Variants in C1orf105 observed in about 807,000 individuals in gnomAD.
C1orf105 encodes the protein chromosome 1 open reading frame 105.
C1orf105 carries 17 observed loss-of-function variants against 20.8 expected under a neutral mutation model. That is an observed-to-expected ratio of 0.82 (90% confidence interval 0.56 to 1.23). The LOEUF (loss-of-function observed/expected upper bound fraction) is 1.23, where lower values mean the gene tolerates loss of function less well. Among genes scored for constraint, C1orf105 ranks in the 50% most tolerant of loss-of-function variants. The pLI, the probability that C1orf105 is intolerant of heterozygous loss-of-function variation, is 0.00. For missense variants in C1orf105, 219 were observed against 213.5 expected (o/e 1.03, Z -0.16); for synonymous variants, 72 against 72.1 (o/e 1.00, Z 0.01).
At chr1:172,441,622 TACC>T in intron 1 of C1orf105, 1 of 1,051,374 alleles carries the variant, frequency 9.5e-7, no homozygotes, top group South Asian at 2.0e-5. Context: ...TCTATTCTCT[TACC>T]ACAATGACAT....
At chr1:172,443,575 G>A (rs1647582321) in intron 1 of C1orf105, 1 of 166,832 alleles carries the variant, frequency 6.0e-6, no homozygotes, top group East Asian at 1.9e-4. Context: ...TTCACAATGA[G>A]AAAACTAAGA....
chr1:172,467,143 A>G (rs185101743), intron 6 of C1orf105, among the ~76,000 whole-genome samples: 1 of 152,254 alleles, frequency 6.6e-6, no homozygotes, highest in East Asian at 1.9e-4. Context: ...ACACTGCCCC[A>G]TCCCCACTGG....
intron 1 of C1orf105, chr1:172,442,087 A>G: frequency 6.2e-7 from 1 of 1,614,232 alleles, no homozygotes; most frequent in Non-Finnish European, 8.5e-7. Flanking sequence ...GGCCATGTTC[A>G]AGGATAGTGT....
chr1:172,454,203 C>T (rs1371286126), intron 3 of C1orf105, among the ~76,000 whole-genome samples: 2 of 152,106 alleles, frequency 1.3e-5, no homozygotes, highest in Non-Finnish European at 2.9e-5. Flanking sequence ...ATATCTGCCT[C>T]CCCTTGTCCA....
At chr1:172,437,817 C>G (rs762652480) in intron 1 of C1orf105, among the ~76,000 whole-genome samples, 2 of 151,682 alleles carry the variant, frequency 1.3e-5, no homozygotes, top group Non-Finnish European at 2.9e-5. Context: ...CTACACTCAA[C>G]AATAGATATT....
At chr1:172,426,473 C>G (rs1478929397) in intron 1 of C1orf105, among the ~76,000 whole-genome samples, 1 of 152,098 alleles carries the variant, frequency 6.6e-6, no homozygotes, top group African/African-American at 2.4e-5. Flanking sequence ...TCCAGTGATA[C>G]TCCTGTTTTA....
At position 172,447,123 on chromosome 1, in the gene C1orf105, C is replaced by T. The variant is rs1340567863; in HGVS notation, c.108-1318C>T. 2.6e-5 allele frequency among the ~76,000 whole-genome samples: 4 copies of T among 152,246 alleles called. No homozygotes were observed. The East Asian group carries it at 7.7e-4, about 29-fold the overall frequency. ...AAGCTCCTCATGTGGGCCAAAGCTC[C>T]GGGTTCCAAGCTGTTTATTTTTGGC... is the stretch of plus-strand genomic sequence containing the variant. On this transcript the variant is annotated intron_variant, in intron 2 of 6. Transcript: ENST00000367727.
chr1:172,437,177 C>T (rs1175485261), intron 1 of C1orf105, among the ~76,000 whole-genome samples: 11 of 152,106 alleles, frequency 7.2e-5, no homozygotes, highest in African/African-American at 1.2e-4. Context: ...GACAGTGTGG[C>T]GATTCCTCAA....
intron 1 of C1orf105, among the ~76,000 whole-genome samples, chr1:172,422,988 TAA>T (rs2071629625): frequency 6.6e-6 from 1 of 152,206 alleles, no homozygotes; most frequent in East Asian, 1.9e-4. Context: ...GGTAGATTTC[TAA>T]AGTTTCCAAC....
intron 1 of C1orf105, among the ~76,000 whole-genome samples, chr1:172,440,517 G>A (rs1028008660): frequency 1.3e-5 from 2 of 152,110 alleles, no homozygotes; most frequent in Non-Finnish European, 2.9e-5. Flanking sequence ...AACAGTTGTG[G>A]CCCAAGATTT....
intron 1 of C1orf105, chr1:172,441,352 TACACACACACAC>T (rs55669322): frequency 0.11 from 16,837 of 156,788 alleles, 1,008 homozygotes; most frequent in Middle Eastern, 0.19. Context: ...GAAGTGACTT[TACACACACACAC>T]ACACACACAC....
At chr1:172,421,741 G>A (rs2071595518) in intron 1 of C1orf105, among the ~76,000 whole-genome samples, 1 of 152,158 alleles carries the variant, frequency 6.6e-6, no homozygotes, top group African/African-American at 2.4e-5. Flanking sequence ...ATTGTTGAAA[G>A]AAGCACTGAG....
intron 1 of C1orf105, among the ~76,000 whole-genome samples, chr1:172,444,565 G>C (rs1440065761): frequency 1.3e-5 from 2 of 152,124 alleles, no homozygotes; most frequent in Non-Finnish European, 2.9e-5. Context: ...CCCCCTCAAA[G>C]AGGACAAATC....
chr1:172,463,907 G>A (rs921179460), intron 5 of C1orf105, among the ~76,000 whole-genome samples: 4 of 152,174 alleles, frequency 2.6e-5, no homozygotes, highest in African/African-American at 9.7e-5. Context: ...CCACTTCTGT[G>A]TGAGACTTAG....
intron 3 of C1orf105, among the ~76,000 whole-genome samples, chr1:172,448,780 G>GT (rs1245544679): frequency 1.3e-5 from 2 of 152,160 alleles, no homozygotes; most frequent in African/African-American, 4.8e-5. Context: ...CTAAAAATTA[G>GT]TATGGAGGAA....
At chr1:172,453,172 G>A in intron 3 of C1orf105, 1 of 1,551,044 alleles carries the variant, frequency 6.4e-7, no homozygotes. Context: ...CCAGGCTTCA[G>A]CTGATAGCAA....
chr1:172,458,844 A>G (rs1649495957), intron 4 of C1orf105, among the ~76,000 whole-genome samples: 1 of 152,232 alleles, frequency 6.6e-6, no homozygotes, highest in Non-Finnish European at 1.5e-5. Flanking sequence ...ATAAAGATAG[A>G]CAAATAGATA....
chr1:172,454,834 G>A (rs562984459), intron 3 of C1orf105, among the ~76,000 whole-genome samples: 1 of 152,216 alleles, frequency 6.6e-6, no homozygotes, highest in East Asian at 1.9e-4. Flanking sequence ...CATACTTCTT[G>A]ATGTATAGGC....
chr1:172,421,334 C>A (rs533013408), intron 1 of C1orf105, among the ~76,000 whole-genome samples: 29 of 152,104 alleles, frequency 1.9e-4, no homozygotes, highest in African/African-American at 6.0e-4. Flanking sequence ...GAAAAAAAAA[C>A]TTGTATAGAC....
Sources: allele counts gnomAD v4.1 joint callset (sites outside exome capture counted in the v4.1 genomes callset), GRCh38; gene constraint gnomAD v4.1.1; transcripts MANE v1.5; gene names NCBI Gene and HGNC (gene_info 2026-07-23, HGNC 2026-07-21).